The following GPC6 variants were observed in gnomAD, a reference collection of about 807,000 sequenced individuals.
GPC6 encodes glypican 6.
In GPC6, 14 loss-of-function variants were observed where a neutral mutation model predicts 55.2. That is an observed-to-expected ratio of 0.25 (90% confidence interval 0.17 to 0.40). The LOEUF (loss-of-function observed/expected upper bound fraction) is 0.40. GPC6 is among the 10% of genes least tolerant of loss of function. The pLI is 1.00. For missense variants in GPC6, 641 were observed against 708.5 expected (o/e 0.90, Z 1.08); for synonymous variants, 278 against 259.6 (o/e 1.07, Z -0.68).
At chr13:94,218,632 G>A (rs1890291447) in intron 4 of GPC6, among the ~76,000 whole-genome samples, 1 of 152,114 alleles carries the variant, frequency 6.6e-6, no homozygotes, top group Non-Finnish European at 1.5e-5. Flanking sequence ...TGTACCCCCA[G>A]GCTTCTGCAC....
At chr13:94,284,878 A>C (rs541827838) in intron 4 of GPC6, among the ~76,000 whole-genome samples, 2,807 of 139,690 alleles carry the variant, frequency 0.02, 87 homozygotes, top group African/African-American at 0.067. Context: ...AAAAAAAAAA[A>C]CACATAACAT....
intron 2 of GPC6, among the ~76,000 whole-genome samples, chr13:93,706,975 C>T (rs6650319): frequency 0.02 from 2,960 of 151,720 alleles, 108 homozygotes; most frequent in African/African-American, 0.068. Flanking sequence ...GTGAACTGGG[C>T]GACGTAGGTG....
At position 93,775,730 on chromosome 13, in the gene GPC6, A is replaced by G. The variant is rs9561442; in HGVS notation, c.320-54424A>G. The stretch of plus-strand genomic sequence containing the variant: ...CAGTCTGCAGCATTACTGTGTTCAA[A>G]AACAGTTGGACTAGTCTTACTTTGC... On this transcript the variant is annotated intron_variant, in intron 2 of 8. Transcript: ENST00000377047. Among the ~76,000 whole-genome samples the G allele has an allele frequency of 2.0e-5, 3 of 152,264 alleles. No individual in the cohort carries two copies. In the East Asian group the frequency reaches 5.8e-4, roughly 29 times the overall value.
chr13:93,677,050 T>C (rs1010534706), intron 2 of GPC6, among the ~76,000 whole-genome samples: 4 of 152,082 alleles, frequency 2.6e-5, no homozygotes, highest in Non-Finnish European at 4.4e-5. Context: ...TATGAAAGAA[T>C]TACATTAGTA....
chr13:94,170,984 T>C (rs533092440), intron 4 of GPC6, among the ~76,000 whole-genome samples: 3 of 152,360 alleles, frequency 2.0e-5, no homozygotes, highest in East Asian at 1.9e-4. Flanking sequence ...TCTTAAGACG[T>C]TGGCTCTTTA....
chr13:94,374,027 CA>C (rs1224485525), intron 6 of GPC6, among the ~76,000 whole-genome samples: 94 of 152,038 alleles, frequency 6.2e-4, no homozygotes, highest in African/African-American at 2.1e-3. Flanking sequence ...GAGATTTTGT[CA>C]CCACCAGTCC....
intron 2 of GPC6, among the ~76,000 whole-genome samples, chr13:93,631,136 A>G (rs1204300681): frequency 2.6e-5 from 4 of 152,136 alleles, no homozygotes; most frequent in Non-Finnish European, 5.9e-5. Flanking sequence ...TTGAAGGGTA[A>G]GGAGGGGAGG....
chr13:93,304,625 A>G (rs1878794617), intron 1 of GPC6, among the ~76,000 whole-genome samples: 1 of 152,244 alleles, frequency 6.6e-6, no homozygotes, highest in African/African-American at 2.4e-5. Flanking sequence ...ACACATGTTA[A>G]TGACACAAAG....
chr13:94,278,717 T>G (rs1892284135), intron 4 of GPC6, among the ~76,000 whole-genome samples: 2 of 152,218 alleles, frequency 1.3e-5, no homozygotes, highest in Admixed American at 1.3e-4. Flanking sequence ...CCTTTGGTTC[T>G]ATTTATGTGA....
rs368730834 is a variant in GPC6 at position 93,428,218 on chromosome 13, T to C, written c.161-117045T>C. Among the ~76,000 whole-genome samples the C allele has an allele frequency of 1.4e-4, 21 of 152,346 alleles. No individual in the cohort carries two copies. In the East Asian group the frequency reaches 2.7e-3, roughly 20 times the overall value. On this transcript the variant is annotated intron_variant, in intron 1 of 8. Coordinates refer to ENST00000377047, the MANE Select transcript of GPC6 (RefSeq NM_005708.5). ...TAGAAGCAGTTCTGCTGAGGATTTATGTATAATATAATAACACATTTCACC... is the reference window on the plus strand; with the variant it reads ...TAGAAGCAGTTCTGCTGAGGATTTACGTATAATATAATAACACATTTCACC...
chr13:93,515,728 T>C (rs1240891194), intron 1 of GPC6, among the ~76,000 whole-genome samples: 2 of 152,210 alleles, frequency 1.3e-5, no homozygotes, highest in Admixed American at 6.5e-5. Flanking sequence ...TGACGTATCA[T>C]GTTAAATAAA....
intron 2 of GPC6, among the ~76,000 whole-genome samples, chr13:93,654,772 G>A (rs1460715425): frequency 6.6e-6 from 1 of 151,650 alleles, no homozygotes; most frequent in Non-Finnish European, 1.5e-5. Context: ...ATTTTCCAGT[G>A]GAGCCTAGAA....
In GPC6 at chr13:93,723,188, A is replaced by C. The variant is rs369739560; in HGVS notation, c.320-106966A>C. On this transcript the variant is annotated intron_variant, in intron 2 of 8. Coordinates refer to ENST00000377047, the MANE Select transcript of GPC6 (RefSeq NM_005708.5). ...TGCCTCTTTTACCTACCAACAGTGC[A>C]TTGTTGTAGGTAGAGCTGATATTGC... is the stretch of plus-strand genomic sequence containing the variant. Among the ~76,000 whole-genome samples, 19 of 152,068 alleles carry C rather than the reference A, an allele frequency of 1.2e-4. 1 individual carries two copies. The East Asian group carries it at 3.7e-3, about 30-fold the overall frequency.
At chr13:94,350,929 C>G (rs1566707484) in intron 6 of GPC6, among the ~76,000 whole-genome samples, 1 of 152,132 alleles carries the variant, frequency 6.6e-6, no homozygotes, top group Non-Finnish European at 1.5e-5. Context: ...TGGGAGAGGA[C>G]TTCCACCAAC....
chr13:94,377,041 A>C (rs1186119804), intron 6 of GPC6, among the ~76,000 whole-genome samples: 1 of 151,758 alleles, frequency 6.6e-6, no homozygotes, highest in Non-Finnish European at 1.5e-5. Flanking sequence ...CATTATACAA[A>C]AATCAATTCA....
chr13:94,285,273 T>C (rs2139083131), intron 4 of GPC6, among the ~76,000 whole-genome samples: 1 of 152,306 alleles, frequency 6.6e-6, no homozygotes, highest in African/African-American at 2.4e-5. Context: ...AGGATTGCCT[T>C]TTCCCAAGGC....
intron 1 of GPC6, among the ~76,000 whole-genome samples, chr13:93,401,686 G>A (rs1301447338): frequency 9.5e-6 from 1 of 105,742 alleles, no homozygotes; most frequent in Non-Finnish European, 1.9e-5. Flanking sequence ...CTTCATGAAT[G>A]GACTTTTTTT....
intron 3 of GPC6, chr13:94,025,687 C>G (rs1297161156): frequency 6.6e-6 from 1 of 152,080 alleles, no homozygotes; most frequent in East Asian, 1.9e-4. Flanking sequence ...AGACTCCTCA[C>G]CTTTATACCC....
chr13:94,275,691 C>T (rs1892180502), intron 4 of GPC6, among the ~76,000 whole-genome samples: 1 of 150,816 alleles, frequency 6.6e-6, no homozygotes, highest in Non-Finnish European at 1.5e-5. Context: ...AACAAAAGGG[C>T]TGGTTTTCTT....
Sources: allele counts gnomAD v4.1 joint callset (sites outside exome capture counted in the v4.1 genomes callset), GRCh38; gene constraint gnomAD v4.1.1; transcripts MANE v1.5; gene names NCBI Gene and HGNC (gene_info 2026-07-23, HGNC 2026-07-21).